Variants in TMEM182 observed in about 807,000 individuals in gnomAD.
TMEM182 encodes the protein transmembrane protein 182.
In TMEM182, 20 loss-of-function variants were observed where a neutral mutation model predicts 26.8. The observed-to-expected ratio is 0.75, with a 90% CI of 0.53 to 1.09. TMEM182 has a LOEUF of 1.09. Among genes scored for constraint, TMEM182 ranks in the 50% least tolerant of loss-of-function variants. The pLI is 0.00. For synonymous variants in TMEM182, 109 were observed against 102.2 expected, an observed-to-expected ratio of 1.07 and a Z score of -0.40; for missense variants, 277 against 275.5, an observed-to-expected ratio of 1.01 and a Z score of -0.04.
chr2:102,805,891 C>T (rs1191882776), intron 4 of TMEM182, among the ~76,000 whole-genome samples: 2 of 151,874 alleles, frequency 1.3e-5, no homozygotes, highest in East Asian at 1.9e-4. Flanking sequence ...CCTGGCAGAG[C>T]GAGATCCTGT....
At chr2:102,753,200 C>CCCG (rs2104642439) in intron 1 of TMEM182, among the ~76,000 whole-genome samples, 1 of 151,466 alleles carries the variant, frequency 6.6e-6, no homozygotes, top group African/African-American at 2.4e-5. Flanking sequence ...AGCTTCCCCC[C>CCCG]CCCACTGCCT....
chr2:102,762,779 T>C (rs1473485991), intron 2 of TMEM182, 93 bp downstream of exon 2: 1 of 1,017,510 alleles, frequency 9.8e-7, no homozygotes, highest in Non-Finnish European at 1.4e-6. Context: ...CGGACTGGAT[T>C]GTGAGTTACA....
intron 3 of TMEM182, among the ~76,000 whole-genome samples, chr2:102,836,116 T>A (rs564051213): frequency 6.6e-6 from 1 of 152,314 alleles, no homozygotes; most frequent in South Asian, 2.1e-4. Flanking sequence ...TGTTTGGAGG[T>A]ACCACAGTTC....
chr2:102,824,205 C>T (rs185513384), intron 3 of TMEM182, among the ~76,000 whole-genome samples: 1 of 152,300 alleles, frequency 6.6e-6, no homozygotes, highest in East Asian at 1.9e-4. Context: ...CAGTAAATGA[C>T]TATATCTTAT....
chr2:102,835,380 C>T (rs1428530065), intron 3 of TMEM182, among the ~76,000 whole-genome samples: 1 of 152,188 alleles, frequency 6.6e-6, no homozygotes, highest in Non-Finnish European at 1.5e-5. Flanking sequence ...TCCCTGCCCA[C>T]ACGCAGGCAC....
intron 3 of TMEM182, among the ~76,000 whole-genome samples, chr2:102,828,056 A>G (rs182554201): frequency 1.3e-5 from 2 of 152,272 alleles, no homozygotes; most frequent in East Asian, 1.9e-4. Context: ...GTGCCACTGC[A>G]CTCCAGCCTG....
intron 3 of TMEM182, among the ~76,000 whole-genome samples, chr2:102,835,483 A>C (rs894774331): frequency 2.0e-5 from 3 of 152,008 alleles, no homozygotes; most frequent in Non-Finnish European, 4.4e-5. Flanking sequence ...CAAGGTCCAT[A>C]GTTTACTGAG....
chr2:102,741,977 A>C (rs1009667552), intron 1 of TMEM182, among the ~76,000 whole-genome samples: 2 of 152,238 alleles, frequency 1.3e-5, no homozygotes, highest in Non-Finnish European at 2.9e-5. Context: ...GGCTTTCAAC[A>C]ACAAAATGTT....
chr2:102,744,061 G>A (rs1056441638), intron 1 of TMEM182, among the ~76,000 whole-genome samples: 1 of 152,078 alleles, frequency 6.6e-6, no homozygotes, highest in Non-Finnish European at 1.5e-5. Flanking sequence ...CTTACATCTG[G>A]GTTTAATTGA....
In TMEM182 at chr2:102,816,203, T is replaced by C; in HGVS notation, c.*1235T>C. On this transcript the variant is annotated 3_prime_UTR_variant, in exon 5 of 5. Coordinates refer to ENST00000412401, the MANE Select transcript of TMEM182 (RefSeq NM_144632.5). The stretch of plus-strand genomic sequence containing the variant: ...AGATGCCTAGCTCGTATTTGCATTC[T>C]GGAAGCCTCCATCGCAGGGGAGCTC... The C allele has an allele frequency of 1.0e-6, 1 of 985,432 alleles. No individual in the cohort carries two copies. Among genetic ancestry groups the C allele is most frequent in the Non-Finnish European group, 1.2e-6 (1 of 829,934 alleles). 61.0% of individuals were successfully genotyped at this position (985,432 alleles called of 1,614,324 possible).
At chr2:102,764,248 C>T (rs1680334892) in intron 2 of TMEM182, 81 bp from the exon 3 acceptor site, 2 of 1,379,592 alleles carry the variant, frequency 1.4e-6, no homozygotes, top group Middle Eastern at 1.8e-4. Context: ...AACCCTTGTG[C>T]TCTGTATTTC....
Position 102,815,115 on chromosome 2 carries a change from C to G in TMEM182, c.*147C>G. ...TTAATCATTTTACTAAAATTTTCTTCAGTAAGAAGGTCCTAGAATCTCTCC... is the reference window on the plus strand; with the variant it reads ...TTAATCATTTTACTAAAATTTTCTTGAGTAAGAAGGTCCTAGAATCTCTCC... On this transcript the variant is annotated 3_prime_UTR_variant, in exon 5 of 5. Coordinates refer to ENST00000412401, the MANE Select transcript of TMEM182 (RefSeq NM_144632.5). 1 of 1,441,374 alleles carries G rather than the reference C, an allele frequency of 6.9e-7. No individual in the cohort carries two copies. The highest frequency in any genetic ancestry group is 9.0e-7 in the Non-Finnish European group (1 of 1,106,196). 89.3% of individuals were successfully genotyped at this position (1,441,374 alleles called of 1,614,324 possible). A position where few individuals can be genotyped will look rare whatever the true frequency, so the allele number is the denominator to read the frequency against.
At chr2:102,771,438 G>GACAT (rs1680668127) in intron 3 of TMEM182, among the ~76,000 whole-genome samples, 1 of 152,132 alleles carries the variant, frequency 6.6e-6, no homozygotes, top group African/African-American at 2.4e-5. Flanking sequence ...GCTCTTGAGG[G>GACAT]TAGAGTTGGC....
chr2:102,841,534 C>A (rs946432713), intron 3 of TMEM182, among the ~76,000 whole-genome samples: 5 of 152,214 alleles, frequency 3.3e-5, no homozygotes, highest in Admixed American at 6.5e-5. Context: ...TGCAGACAGG[C>A]TCCGCAGCAA....
chr2:102,811,058 CAA>C (rs10629082), intron 4 of TMEM182, among the ~76,000 whole-genome samples: 4 of 94,434 alleles, frequency 4.2e-5, no homozygotes, highest in South Asian at 4.5e-4. Flanking sequence ...TCCTCTATAG[CAA>C]AAAAAAAAAA....
At chr2:102,834,512 G>A in intron 3 of TMEM182, 1 of 854,154 alleles carries the variant, frequency 1.2e-6, no homozygotes, top group Non-Finnish European at 1.4e-6. Context: ...CATTTCAACA[G>A]ATATAGGTGA....
intron 1 of TMEM182, among the ~76,000 whole-genome samples, chr2:102,749,181 A>C (rs913964760): frequency 2.6e-5 from 4 of 152,136 alleles, no homozygotes; most frequent in Admixed American, 6.5e-5. Flanking sequence ...TAGCTTTAAA[A>C]ATATAATATT....
rs762615605 is a variant in TMEM182, at chr2:102,816,339, G to A, written c.*1371G>A. 25 of 985,094 alleles carry A rather than the reference G, an allele frequency of 2.5e-5. No individual in the cohort carries two copies. Among genetic ancestry groups the A allele is most frequent in the Non-Finnish European group, 3.0e-5 (25 of 829,910 alleles). 61.0% of individuals were successfully genotyped at this position (985,094 alleles called of 1,614,324 possible). A position where few individuals can be genotyped will look rare whatever the true frequency, so the allele number is the denominator to read the frequency against. ...AAAGTCACCACCCAGAAGATGCTCT[G>A]GGATAGAGGAACTGCTCCTTTTCAT... On this transcript the variant is annotated 3_prime_UTR_variant, in exon 5 of 5. Coordinates refer to ENST00000412401, the MANE Select transcript of TMEM182 (RefSeq NM_144632.5).
chr2:102,763,050 C>T (rs1025805530), intron 2 of TMEM182, among the ~76,000 whole-genome samples: 3 of 151,956 alleles, frequency 2.0e-5, no homozygotes, highest in Non-Finnish European at 2.9e-5. Flanking sequence ...TTGCTATCAG[C>T]CCTTGAAATC....
Sources: gnomAD v4.1 joint callset for allele counts (sites outside exome capture counted in the v4.1 genomes callset) on GRCh38, gnomAD v4.1.1 for gene constraint, MANE v1.5 for transcripts, NCBI Gene and HGNC (gene_info 2026-07-23, HGNC 2026-07-21) for gene names.